CPA6: variants seen among roughly 807,000 people sequenced by gnomAD.
CPA6 encodes the protein carboxypeptidase A6.
A neutral mutation model predicts 63.3 loss-of-function variants in CPA6; 58 were observed. That is an observed-to-expected ratio of 0.92 (90% CI 0.74 to 1.14). The LOEUF (loss-of-function observed/expected upper bound fraction) is 1.14. CPA6 is among the 50% of genes most tolerant of loss of function. The pLI, the probability that CPA6 is intolerant of heterozygous loss-of-function variation, is 0.00. For missense variants in CPA6, 565 were observed against 526.6 expected, an observed-to-expected ratio of 1.07 and a Z score of -0.71; for synonymous variants, 185 against 179.0, an observed-to-expected ratio of 1.03 and a Z score of -0.27.
chr8:67,656,875 G>T (rs887250507), intron 1 of CPA6, among the ~76,000 whole-genome samples: 2 of 152,168 alleles, frequency 1.3e-5, no homozygotes, highest in Admixed American at 6.5e-5. Flanking sequence ...CTGGGGCTAG[G>T]CCTTTGGATC....
rs117015898 is a variant in CPA6 at position 67,657,063 on chromosome 8, C to T, written c.117-32812G>A. On this transcript the variant is annotated intron_variant, in intron 1 of 10. Coordinates refer to ENST00000297770, the MANE Select transcript of CPA6 (RefSeq NM_020361.5). Reference sequence around the variant, plus strand: ...TCTCTCAATTTATTTTGCTTAAACACATGGTGTCTCCGGATTCAGGACTGG... The same window carrying T: ...TCTCTCAATTTATTTTGCTTAAACATATGGTGTCTCCGGATTCAGGACTGG... Among the ~76,000 whole-genome samples the T allele has an allele frequency of 5.5e-3, 843 of 152,312 alleles. 4 individuals carry two copies. Among genetic ancestry groups the T allele is most frequent in the Admixed American group, 9.5e-3 (146 of 15,290 alleles).
At chr8:67,720,945 C>T (rs150157911) in intron 1 of CPA6, among the ~76,000 whole-genome samples, 17 of 152,320 alleles carry the variant, frequency 1.1e-4, no homozygotes, top group African/African-American at 4.1e-4. Flanking sequence ...AATTAGGAGG[C>T]ACCACATAAT....
At chr8:67,642,580 T>C (rs1453250938) in intron 1 of CPA6, among the ~76,000 whole-genome samples, 1 of 152,118 alleles carries the variant, frequency 6.6e-6, no homozygotes, top group African/African-American at 2.4e-5. Context: ...TCCTACCAAA[T>C]ATAAAGACTT....
intron 2 of CPA6, among the ~76,000 whole-genome samples, chr8:67,581,416 T>C (rs1293294364): frequency 6.6e-6 from 1 of 152,200 alleles, no homozygotes; most frequent in Non-Finnish European, 1.5e-5. Flanking sequence ...ACTGACATGG[T>C]AGTCAAAGTA....
intron 2 of CPA6, among the ~76,000 whole-genome samples, chr8:67,610,549 G>C (rs754940411): frequency 7.9e-5 from 12 of 152,112 alleles, no homozygotes; most frequent in Admixed American, 2.0e-4. Context: ...CACATTATTA[G>C]TCAAGGCAGA....
intron 2 of CPA6, among the ~76,000 whole-genome samples, chr8:67,544,725 T>C (rs1812776665): frequency 6.6e-6 from 1 of 152,216 alleles, no homozygotes; most frequent in Non-Finnish European, 1.5e-5. Flanking sequence ...GGATTGCAGA[T>C]GTAATTCGCT....
chr8:67,505,623 A>T (rs1489691281), intron 6 of CPA6, among the ~76,000 whole-genome samples: 1 of 152,214 alleles, frequency 6.6e-6, no homozygotes, highest in Non-Finnish European at 1.5e-5. Flanking sequence ...TTGTCCTAGC[A>T]GGATGAAATA....
intron 1 of CPA6, among the ~76,000 whole-genome samples, chr8:67,642,400 A>G (rs1815613532): frequency 1.3e-5 from 2 of 152,184 alleles, no homozygotes; most frequent in Non-Finnish European, 2.9e-5. Context: ...AGAAAACAAT[A>G]CTGTAAGGAT....
chr8:67,451,393 A>G (rs1810554968), intron 8 of CPA6, among the ~76,000 whole-genome samples: 1 of 152,158 alleles, frequency 6.6e-6, no homozygotes, highest in Admixed American at 6.5e-5. Flanking sequence ...CCTTATGAGA[A>G]TCTAATGCCT....
chr8:67,459,601 G>C (rs2128956946), intron 8 of CPA6, among the ~76,000 whole-genome samples: 1 of 152,330 alleles, frequency 6.6e-6, no homozygotes, highest in East Asian at 1.9e-4. Context: ...TGGTTGTCAT[G>C]GGGTTGGGTG....
At chr8:67,423,765 C>T (rs1191658576) in intron 10 of CPA6, among the ~76,000 whole-genome samples, 1 of 152,204 alleles carries the variant, frequency 6.6e-6, no homozygotes, top group Non-Finnish European at 1.5e-5. Flanking sequence ...CTGAAACTTT[C>T]CCATTCTCTT....
intron 1 of CPA6, among the ~76,000 whole-genome samples, chr8:67,635,180 A>G (rs1815440044): frequency 1.3e-5 from 2 of 151,562 alleles, no homozygotes; most frequent in South Asian, 2.1e-4. Context: ...GAGCCATTGC[A>G]CCCAGCCTAG....
chr8:67,662,526 T>C (rs1192957000), intron 1 of CPA6, among the ~76,000 whole-genome samples: 1 of 146,314 alleles, frequency 6.8e-6, no homozygotes, highest in African/African-American at 2.6e-5. Flanking sequence ...TACACACGTA[T>C]ATGTATATAT....
At chr8:67,496,973 C>T (rs7002755) in intron 6 of CPA6, among the ~76,000 whole-genome samples, 2,553 of 152,212 alleles carry the variant, frequency 0.017, 76 homozygotes, top group African/African-American at 0.058. Flanking sequence ...TCCAGAAATT[C>T]GCTGATTTGG....
intron 1 of CPA6, among the ~76,000 whole-genome samples, chr8:67,691,428 CA>C (rs1213906430): frequency 1.3e-5 from 2 of 152,156 alleles, no homozygotes; most frequent in Non-Finnish European, 2.9e-5. Flanking sequence ...GCCTGTCCCC[CA>C]AAACTGCCCT....
intron 2 of CPA6, among the ~76,000 whole-genome samples, chr8:67,591,367 G>C (rs988557372): frequency 3.9e-5 from 6 of 151,968 alleles, no homozygotes; most frequent in African/African-American, 1.5e-4. Context: ...TTGGCGATGT[G>C]GGCTCTTTTT....
At chr8:67,700,629 G>C (rs1311084587) in intron 1 of CPA6, among the ~76,000 whole-genome samples, 2 of 152,142 alleles carry the variant, frequency 1.3e-5, no homozygotes, top group Non-Finnish European at 2.9e-5. Context: ...TGTAGCATGG[G>C]TGATCTGTCT....
intron 2 of CPA6, among the ~76,000 whole-genome samples, chr8:67,614,765 G>A (rs1036957823): frequency 1.1e-4 from 17 of 152,176 alleles, no homozygotes; most frequent in African/African-American, 4.1e-4. Context: ...AAACTCCCAT[G>A]CCTCCAGGAA....
chr8:67,535,530 T>C (rs1014218584), intron 2 of CPA6, among the ~76,000 whole-genome samples: 2 of 152,360 alleles, frequency 1.3e-5, no homozygotes, highest in Non-Finnish European at 2.9e-5. Context: ...TATCTGTTCA[T>C]ATCCTTTGCC....
Sources: gnomAD v4.1 joint callset for allele counts (sites outside exome capture counted in the v4.1 genomes callset) on GRCh38, gnomAD v4.1.1 for gene constraint, MANE v1.5 for transcripts, NCBI Gene and HGNC (gene_info 2026-07-23, HGNC 2026-07-21) for gene names.